The following CHODL variants were observed in gnomAD, a reference collection of about 807,000 sequenced individuals.
CHODL encodes chondrolectin, also known as transmembrane protein MT75.
Under a neutral mutation model 34.5 loss-of-function variants are expected in CHODL, and 29 were observed. The observed-to-expected ratio is 0.84, with a 90% confidence interval of 0.63 to 1.15. The LOEUF (loss-of-function observed/expected upper bound fraction) is 1.15, where lower values mean the gene tolerates loss of function less well. CHODL is among the 50% of genes most tolerant of loss of function. The pLI, the probability that CHODL is intolerant of heterozygous loss-of-function variation, is 0.00. For missense variants in CHODL, 332 were observed against 332.5 expected, an observed-to-expected ratio of 1.00 and a Z score of 0.01; for synonymous variants, 125 against 116.1, an observed-to-expected ratio of 1.08 and a Z score of -0.49.
intron 2 of CHODL, among the ~76,000 whole-genome samples, chr21:18,088,148 G>T (rs753118098): frequency 7.9e-5 from 12 of 152,122 alleles, no homozygotes; most frequent in Non-Finnish European, 1.3e-4. Flanking sequence ...TGAGATTTGG[G>T]CAGTGACACG....
chr21:17,989,839 A>G (rs2063783214), intron 1 of CHODL, among the ~76,000 whole-genome samples: 1 of 152,188 alleles, frequency 6.6e-6, no homozygotes, highest in Non-Finnish European at 1.5e-5. Context: ...TGAATGTCCC[A>G]TTTCCGAGGA....
At chr21:18,132,573 A>G (rs188919717) in intron 2 of CHODL, among the ~76,000 whole-genome samples, 31 of 152,240 alleles carry the variant, frequency 2.0e-4, no homozygotes, top group Admixed American at 1.1e-3. Context: ...ATAGATCTGA[A>G]TTTGTCCTCC....
At chr21:18,118,126 T>A (rs1491771) in intron 2 of CHODL, among the ~76,000 whole-genome samples, 28,631 of 152,150 alleles carry the variant, frequency 0.19, 3,189 homozygotes, top group African/African-American at 0.31. Context: ...CATTTTAATA[T>A]TTTTCAGATT....
intron 2 of CHODL, among the ~76,000 whole-genome samples, chr21:18,077,962 G>C (rs2064886762): frequency 6.6e-6 from 1 of 152,170 alleles, no homozygotes; most frequent in Admixed American, 6.5e-5. Context: ...AGAAGAAGGG[G>C]AGATTTAAGA....
At chr21:17,994,502 C>T (rs1339848606) in intron 1 of CHODL, among the ~76,000 whole-genome samples, 1 of 152,132 alleles carries the variant, frequency 6.6e-6, no homozygotes, top group Non-Finnish European at 1.5e-5. Context: ...GTGGGTTAGT[C>T]CTTGGGGCTC....
chr21:18,223,709 A>G (rs577323729), intron 2 of CHODL, among the ~76,000 whole-genome samples: 1 of 152,280 alleles, frequency 6.6e-6, no homozygotes, highest in Non-Finnish European at 1.5e-5. Flanking sequence ...GCATAATTAA[A>G]AAAAGGAGAA....
At chr21:18,202,894 A>G (rs1270450231) in intron 2 of CHODL, among the ~76,000 whole-genome samples, 2 of 151,342 alleles carry the variant, frequency 1.3e-5, no homozygotes, top group South Asian at 2.1e-4. Flanking sequence ...GGCTACGTCT[A>G]CATCTACCAA....
intron 2 of CHODL, among the ~76,000 whole-genome samples, chr21:18,038,225 G>A (rs1406913456): frequency 1.3e-5 from 2 of 151,658 alleles, no homozygotes; most frequent in African/African-American, 2.4e-5. Flanking sequence ...ATGCTAAATT[G>A]TGCATTTCCC....
intron 2 of CHODL, among the ~76,000 whole-genome samples, chr21:18,108,521 G>A (rs890468611): frequency 1.3e-5 from 2 of 152,144 alleles, no homozygotes; most frequent in Non-Finnish European, 2.9e-5. Context: ...CCAGATGAGG[G>A]TTAGTGTTGA....
chr21:17,985,373 A>G (rs1033207517), intron 1 of CHODL, among the ~76,000 whole-genome samples: 4 of 152,184 alleles, frequency 2.6e-5, no homozygotes, highest in Non-Finnish European at 5.9e-5. Flanking sequence ...TCTCGCATGT[A>G]TCACTCTGGA....
intron 1 of CHODL, among the ~76,000 whole-genome samples, chr21:18,020,223 A>G (rs926394294): frequency 6.6e-6 from 1 of 151,882 alleles, no homozygotes; most frequent in East Asian, 1.9e-4. Context: ...TTGAAGTTTC[A>G]CAGAGAATTT....
intron 2 of CHODL, among the ~76,000 whole-genome samples, chr21:18,172,019 G>A (rs1418871819): frequency 2.0e-5 from 3 of 152,164 alleles, no homozygotes; most frequent in African/African-American, 7.2e-5. Context: ...AGCCACATGT[G>A]AGAAGATAGG....
chr21:17,984,438 A>G (rs929425425), intron 1 of CHODL, among the ~76,000 whole-genome samples: 2 of 152,176 alleles, frequency 1.3e-5, no homozygotes, highest in African/African-American at 4.8e-5. Flanking sequence ...TTTTTTTGAG[A>G]ACCTCCATTC....
At chr21:17,984,793 T>C (rs868493172) in intron 1 of CHODL, among the ~76,000 whole-genome samples, 2 of 152,118 alleles carry the variant, frequency 1.3e-5, no homozygotes, top group African/African-American at 4.8e-5. Context: ...TGGCCTAAGA[T>C]TGGAGGTTTG....
chr21:17,978,684 C>T (rs570745950), intron 1 of CHODL, among the ~76,000 whole-genome samples: 1 of 151,154 alleles, frequency 6.6e-6, no homozygotes, highest in African/African-American at 2.4e-5. Flanking sequence ...TGCCACTGCC[C>T]TCCAGCCCGG....
intron 1 of CHODL, among the ~76,000 whole-genome samples, chr21:17,946,285 G>T (rs1224864345): frequency 6.6e-6 from 1 of 152,136 alleles, no homozygotes; most frequent in Admixed American, 6.5e-5. Flanking sequence ...CAGGTGTGGT[G>T]GCGGGTGCCT....
At chr21:18,179,758 AT>A (rs1408083031) in intron 2 of CHODL, among the ~76,000 whole-genome samples, 2 of 152,194 alleles carry the variant, frequency 1.3e-5, no homozygotes, top group Admixed American at 6.5e-5. Context: ...TTAGATATAT[AT>A]TTATGAATAA....
At chr21:17,929,574 A>T (rs2063254925) in intron 1 of CHODL, among the ~76,000 whole-genome samples, 1 of 152,238 alleles carries the variant, frequency 6.6e-6, no homozygotes, top group African/African-American at 2.4e-5. Flanking sequence ...ATTGGTATGG[A>T]GCCAGGAGTA....
intron 1 of CHODL, 151 bp from the exon 2 acceptor site, chr21:18,256,358 C>A: frequency 1.2e-6 from 1 of 831,622 alleles, no homozygotes; most frequent in South Asian, 2.1e-5. Flanking sequence ...AAGCAATAGG[C>A]TAGAAAATAA....
Sources: gnomAD v4.1 joint callset for allele counts (sites outside exome capture counted in the v4.1 genomes callset) on GRCh38, gnomAD v4.1.1 for gene constraint, MANE v1.5 for transcripts, NCBI Gene and HGNC (gene_info 2026-07-23, HGNC 2026-07-21) for gene names.